Variants in GRXCR1 observed in about 807,000 individuals in gnomAD.
GRXCR1 encodes the protein glutaredoxin domain-containing cysteine-rich protein 1.
Under a neutral mutation model 27.3 loss-of-function variants are expected in GRXCR1, and 27 were observed. The observed-to-expected ratio is 0.99, with a 90% CI of 0.73 to 1.37. The LOEUF (loss-of-function observed/expected upper bound fraction) is 1.37. GRXCR1 is among the 40% of genes most tolerant of loss of function. The probability of loss-of-function intolerance (pLI) is 0.00; values close to 1 mark genes in which losing one functional copy is unlikely to be tolerated. For synonymous variants in GRXCR1, 122 were observed against 131.1 expected (o/e 0.93, Z 0.47); for missense variants, 379 against 354.4 (o/e 1.07, Z -0.56).
intron 1 of GRXCR1, among the ~76,000 whole-genome samples, chr4:42,914,703 G>T (rs185435068): frequency 3.3e-4 from 50 of 152,172 alleles, no homozygotes; most frequent in Non-Finnish European, 5.9e-4. Flanking sequence ...ATATGGCTTG[G>T]GTCTTTGTCC....
intron 2 of GRXCR1, among the ~76,000 whole-genome samples, chr4:42,964,028 A>G (rs914413554): frequency 2.0e-5 from 3 of 151,932 alleles, no homozygotes; most frequent in Non-Finnish European, 4.4e-5. Context: ...GTGTTTTAAT[A>G]CCCTGTCATT....
intron 2 of GRXCR1, among the ~76,000 whole-genome samples, chr4:42,993,099 G>A (rs1036914623): frequency 6.6e-6 from 1 of 151,928 alleles, no homozygotes; most frequent in Admixed American, 6.6e-5. Flanking sequence ...TTCTCCCTCT[G>A]TTCCTTTCTT....
rs530566784 is a variant in GRXCR1 at position 42,936,532 on chromosome 4, A to G, written c.385-26360A>G. Among the ~76,000 whole-genome samples, 4 of 152,022 alleles carry G rather than the reference A, an allele frequency of 2.6e-5. No homozygotes were observed. In the East Asian group the frequency reaches 7.8e-4, roughly 29 times the overall value. On this transcript the variant is annotated intron_variant, in intron 1 of 3. Transcript: ENST00000399770. ...ACACCCAACGTTTCCTATTATTAAC[A>G]TGTTAAAATAAGTGTGGTACATTTG...
chr4:42,959,514 T>A (rs1748082339), intron 1 of GRXCR1, among the ~76,000 whole-genome samples: 1 of 151,916 alleles, frequency 6.6e-6, no homozygotes, highest in Non-Finnish European at 1.5e-5. Context: ...TATTACATAT[T>A]CAAAATTTGC....
intron 2 of GRXCR1, among the ~76,000 whole-genome samples, chr4:42,998,637 C>T (rs1254303365): frequency 6.6e-6 from 1 of 152,182 alleles, no homozygotes. Context: ...TTTGGGCCGA[C>T]ATGCTTGAAT....
At chr4:43,029,335 T>G (rs1388204718) in intron 3 of GRXCR1, among the ~76,000 whole-genome samples, 2 of 152,116 alleles carry the variant, frequency 1.3e-5, no homozygotes, top group African/African-American at 4.8e-5. Flanking sequence ...TATGTGTTTG[T>G]GTGTGTGTGT....
At chr4:42,918,229 A>T (rs986738994) in intron 1 of GRXCR1, among the ~76,000 whole-genome samples, 5 of 152,054 alleles carry the variant, frequency 3.3e-5, no homozygotes, top group African/African-American at 1.2e-4. Context: ...GAAGAGCAAA[A>T]GGAGGCAAAC....
intron 1 of GRXCR1, among the ~76,000 whole-genome samples, chr4:42,919,045 C>T (rs772530629): frequency 6.6e-6 from 1 of 152,068 alleles, no homozygotes; most frequent in South Asian, 2.1e-4. Flanking sequence ...CCAGCATAAC[C>T]ATTTAATAAT....
intron 1 of GRXCR1, among the ~76,000 whole-genome samples, chr4:42,955,431 C>T (rs1322890587): frequency 1.3e-5 from 2 of 152,066 alleles, no homozygotes. Flanking sequence ...ACTTTATCCT[C>T]AGGAGTGGGT....
At chr4:42,983,376 C>T (rs1175983224) in intron 2 of GRXCR1, among the ~76,000 whole-genome samples, 55 of 149,376 alleles carry the variant, frequency 3.7e-4, no homozygotes, top group African/African-American at 7.4e-4. Flanking sequence ...AGATATGCGG[C>T]GTTATTTCTG....
chr4:42,909,942 T>C (rs534104963), intron 1 of GRXCR1, among the ~76,000 whole-genome samples: 6 of 152,262 alleles, frequency 3.9e-5, no homozygotes, highest in Admixed American at 2.6e-4. Flanking sequence ...AGATGTGTAT[T>C]AGTCTGTTCC....
At chr4:43,017,423 A>C (rs1391874524) in intron 2 of GRXCR1, among the ~76,000 whole-genome samples, 1 of 152,234 alleles carries the variant, frequency 6.6e-6, no homozygotes, top group African/African-American at 2.4e-5. Context: ...ATTAACAGAA[A>C]GACTCTGGGC....
rs770400497 is a variant in GRXCR1, at chr4:42,944,105, C to T, written c.385-18787C>T. 8.5e-5 allele frequency among the ~76,000 whole-genome samples: 13 copies of T among 152,138 alleles called. No homozygotes were observed. In the South Asian group the frequency reaches 1.2e-3, roughly 15 times the overall value. On this transcript the variant is annotated intron_variant, in intron 1 of 3. Coordinates refer to ENST00000399770, the MANE Select transcript of GRXCR1 (RefSeq NM_001080476.3). ...ACAGAGCAATACAGATAAGAGAGAACATTTATAAGGATACCACCCCAATAT... is the reference window on the plus strand; with the variant it reads ...ACAGAGCAATACAGATAAGAGAGAATATTTATAAGGATACCACCCCAATAT...
chr4:42,906,499 C>G (rs906535080), intron 1 of GRXCR1, among the ~76,000 whole-genome samples: 1 of 152,092 alleles, frequency 6.6e-6, no homozygotes, highest in Non-Finnish European at 1.5e-5. Context: ...TGCCAGTCAC[C>G]TCAGGGGCTC....
chr4:42,913,695 T>G (rs1746817175), intron 1 of GRXCR1, among the ~76,000 whole-genome samples: 1 of 152,132 alleles, frequency 6.6e-6, no homozygotes, highest in Non-Finnish European at 1.5e-5. Context: ...ACCAAGCCAA[T>G]GGGGAAAATA....
At chr4:42,973,937 C>T (rs1434549699) in intron 2 of GRXCR1, among the ~76,000 whole-genome samples, 2 of 152,138 alleles carry the variant, frequency 1.3e-5, no homozygotes, top group African/African-American at 4.8e-5. Flanking sequence ...AGAGCATGTT[C>T]TAGGGGTGTG....
chr4:42,995,667 A>G (rs1004470993), intron 2 of GRXCR1, among the ~76,000 whole-genome samples: 3 of 152,206 alleles, frequency 2.0e-5, no homozygotes, highest in African/African-American at 7.2e-5. Context: ...TGCCTTAGAA[A>G]GAAAAAGAAG....
chr4:42,932,482 C>A (rs1747337000), intron 1 of GRXCR1, among the ~76,000 whole-genome samples: 1 of 148,682 alleles, frequency 6.7e-6, no homozygotes, highest in Admixed American at 6.7e-5. Context: ...CAGCCATGGT[C>A]TCTTAGCAGC....
chr4:43,019,577 G>A (rs1362026527), intron 2 of GRXCR1, among the ~76,000 whole-genome samples: 2 of 152,156 alleles, frequency 1.3e-5, no homozygotes, highest in African/African-American at 2.4e-5. Flanking sequence ...CTTCTCTATG[G>A]TTTTATGTTG....
Sources: gnomAD v4.1 joint callset for allele counts (sites outside exome capture counted in the v4.1 genomes callset) on GRCh38, gnomAD v4.1.1 for gene constraint, MANE v1.5 for transcripts, NCBI Gene and HGNC (gene_info 2026-07-23, HGNC 2026-07-21) for gene names.